SEC14L1: variants seen among roughly 807,000 people sequenced by gnomAD.
SEC14L1 encodes the protein SEC14-like protein 1.
A neutral mutation model predicts 85.3 loss-of-function variants in SEC14L1; 48 were observed. That is an observed-to-expected ratio of 0.56 (90% CI 0.45 to 0.72). The LOEUF (loss-of-function observed/expected upper bound fraction) is 0.72. SEC14L1 is among the 30% of genes least tolerant of loss of function. The probability of loss-of-function intolerance (pLI) is 0.00; values close to 1 mark genes in which losing one functional copy is unlikely to be tolerated. For missense variants in SEC14L1, 682 were observed against 921.4 expected, an observed-to-expected ratio of 0.74 and a Z score of 3.36; for synonymous variants, 391 against 355.5, an observed-to-expected ratio of 1.10 and a Z score of -1.12.
At chr17:77,130,637 TGA>T (rs904241662) in intron 3 of SEC14L1, among the ~76,000 whole-genome samples, 4 of 152,058 alleles carry the variant, frequency 2.6e-5, no homozygotes, top group Non-Finnish European at 5.9e-5. Context: ...TATTTATTTT[TGA>T]GACAGGTTCT....
chr17:77,167,129 G>A (rs1346976044), intron 3 of SEC14L1, among the ~76,000 whole-genome samples: 1 of 141,926 alleles, frequency 7.0e-6, no homozygotes, highest in Non-Finnish European at 1.5e-5. Context: ...TTGTCTTTCT[G>A]TTTTCTTTTC....
At chr17:77,159,193 G>A (rs1422291509) in intron 3 of SEC14L1, among the ~76,000 whole-genome samples, 1 of 132,760 alleles carries the variant, frequency 7.5e-6, no homozygotes, top group Admixed American at 7.6e-5. Flanking sequence ...AGCCTCCCAA[G>A]TAGCTGGGAT....
chr17:77,113,308 C>T (rs949447285), intron 3 of SEC14L1, among the ~76,000 whole-genome samples: 2 of 152,088 alleles, frequency 1.3e-5, no homozygotes, highest in African/African-American at 2.4e-5. Context: ...GGTCACCTTC[C>T]CTGTCTATAA....
At chr17:77,113,746 A>AAAAAG (rs758773835) in intron 3 of SEC14L1, among the ~76,000 whole-genome samples, 4 of 152,096 alleles carry the variant, frequency 2.6e-5, no homozygotes, top group African/African-American at 7.2e-5. Flanking sequence ...ACTCTGTCTC[A>AAAAAG]AAAAGAAAAG....
At chr17:77,196,388 C>A in intron 8 of SEC14L1, 77 bp downstream of exon 8, 2 of 846,462 alleles carry the variant, frequency 2.4e-6, no homozygotes, top group Non-Finnish European at 3.8e-6. Context: ...TCATAGTCAC[C>A]AAGAGTGATA....
At chr17:77,106,828 C>A (rs1381088614) in intron 3 of SEC14L1, among the ~76,000 whole-genome samples, 1 of 151,878 alleles carries the variant, frequency 6.6e-6, no homozygotes, top group Non-Finnish European at 1.5e-5. Flanking sequence ...CAGAGTGAGA[C>A]CCTTTCTCAA....
intron 3 of SEC14L1, among the ~76,000 whole-genome samples, chr17:77,107,497 G>A (rs987880479): frequency 1.3e-5 from 2 of 152,168 alleles, no homozygotes; most frequent in African/African-American, 4.8e-5. Context: ...TCTATTCTAT[G>A]TTATGCTAGT....
At chr17:77,149,004 TTTC>T (rs1973437240) in intron 3 of SEC14L1, among the ~76,000 whole-genome samples, 1 of 152,228 alleles carries the variant, frequency 6.6e-6, no homozygotes, top group Admixed American at 6.5e-5. Context: ...TGCCCCCTCT[TTTC>T]TTTTTTCTTT....
chr17:77,168,277 C>T (rs1974373328), intron 3 of SEC14L1, among the ~76,000 whole-genome samples: 1 of 152,144 alleles, frequency 6.6e-6, no homozygotes, highest in Admixed American at 6.5e-5. Context: ...GGCAATTTCC[C>T]CCTTTGTCTT....
At position 77,216,588 on chromosome 17, in the gene SEC14L1, T is replaced by TC; in HGVS notation, c.*2566dup. 1 of 1,613,366 alleles carries TC rather than the reference T, an allele frequency of 6.2e-7. No homozygotes were observed. Among genetic ancestry groups the TC allele is most frequent in the Non-Finnish European group, 8.5e-7 (1 of 1,179,478 alleles). ...GACAGCTGCCAAGAAAATGCTTCAC[T>TC]CAACAGTCCTCATGTGCCCAGAGAT... On this transcript the variant is annotated 3_prime_UTR_variant, in exon 17 of 17. Coordinates refer to ENST00000436233, the MANE Select transcript of SEC14L1 (RefSeq NM_001143998.2).
chr17:77,178,349 G>A (rs1221162679), intron 3 of SEC14L1, among the ~76,000 whole-genome samples: 1 of 152,092 alleles, frequency 6.6e-6, no homozygotes, highest in Admixed American at 6.5e-5. Context: ...ACCTACTACT[G>A]TGTGTTTTTT....
chr17:77,165,035 C>T (rs1018333030), intron 3 of SEC14L1, among the ~76,000 whole-genome samples: 7 of 152,108 alleles, frequency 4.6e-5, no homozygotes, highest in Admixed American at 1.3e-4. Context: ...TACCTGTAAC[C>T]GGAAACCTCT....
chr17:77,187,481 G>A lies in SEC14L1; in HGVS notation c.64-3322G>A, dbSNP rs953909348. Among the ~76,000 whole-genome samples the A allele has an allele frequency of 2.0e-5, 3 of 151,960 alleles. 1 individual carries two copies. The highest frequency in any genetic ancestry group is 4.4e-5 in the Non-Finnish European group (3 of 67,988). ...CGGCCTCTGCCTCCCAGGTTCTAGT[G>A]ATTTTCCCACCTCAGCCTCCCAAGT... On this transcript the variant is annotated intron_variant, in intron 3 of 16. Coordinates refer to ENST00000436233, the MANE Select transcript of SEC14L1 (RefSeq NM_001143998.2).
chr17:77,143,544 T>C (rs1412196980), intron 2 of SEC14L1, 23 bp from the exon 3 acceptor site: 2 of 1,432,280 alleles, frequency 1.4e-6, no homozygotes, highest in Admixed American at 1.7e-5. Context: ...TGGTTACTTA[T>C]CACATATATT....
At chr17:77,107,208 G>C (rs549607701) in intron 3 of SEC14L1, among the ~76,000 whole-genome samples, 1 of 152,100 alleles carries the variant, frequency 6.6e-6, no homozygotes, top group Non-Finnish European at 1.5e-5. Flanking sequence ...TCCACTTCAG[G>C]ACCACTTAGC....
intron 3 of SEC14L1, among the ~76,000 whole-genome samples, chr17:77,110,380 A>C (rs913479187): frequency 3.3e-5 from 5 of 152,162 alleles, no homozygotes; most frequent in Admixed American, 3.3e-4. Flanking sequence ...TCTGGGAATA[A>C]CTTTGCCCTG....
At chr17:77,163,902 A>T (rs1229289227) in intron 3 of SEC14L1, among the ~76,000 whole-genome samples, 1 of 152,216 alleles carries the variant, frequency 6.6e-6, no homozygotes, top group Non-Finnish European at 1.5e-5. Context: ...TGACAAGCCC[A>T]GGGTGAAGAT....
chr17:77,200,210 CT>C (rs1177262706), intron 8 of SEC14L1, among the ~76,000 whole-genome samples: 2 of 151,082 alleles, frequency 1.3e-5, no homozygotes, highest in Admixed American at 6.6e-5. Flanking sequence ...CCCTTAGCAA[CT>C]TTTTTTTTAG....
intron 3 of SEC14L1, among the ~76,000 whole-genome samples, chr17:77,171,699 C>T (rs904981732): frequency 6.6e-6 from 1 of 152,188 alleles, no homozygotes; most frequent in Non-Finnish European, 1.5e-5. Context: ...AATTTTAAGG[C>T]TTGATTTAAT....
Sources: allele counts gnomAD v4.1 joint callset (sites outside exome capture counted in the v4.1 genomes callset), GRCh38; gene constraint gnomAD v4.1.1; transcripts MANE v1.5; gene names NCBI Gene and HGNC (gene_info 2026-07-23, HGNC 2026-07-21).